Variants in C4orf51 observed in about 807,000 individuals in gnomAD.
C4orf51 encodes chromosome 4 open reading frame 51.
Under a neutral mutation model 25.2 loss-of-function variants are expected in C4orf51, and 25 were observed. That is an observed-to-expected ratio of 0.99 (90% CI 0.72 to 1.39). The LOEUF (loss-of-function observed/expected upper bound fraction) is 1.39, where lower values mean the gene tolerates loss of function less well. C4orf51 is among the 40% of genes most tolerant of loss of function. The pLI, the probability that C4orf51 is intolerant of heterozygous loss-of-function variation, is 0.00. For synonymous variants in C4orf51, 100 were observed against 84.5 expected, an observed-to-expected ratio of 1.18 and a Z score of -1.01; for missense variants, 252 against 239.6, an observed-to-expected ratio of 1.05 and a Z score of -0.34.
intron 2 of C4orf51, among the ~76,000 whole-genome samples, chr4:145,707,035 T>TG (rs1730855169): frequency 6.6e-6 from 1 of 152,088 alleles, no homozygotes; most frequent in Non-Finnish European, 1.5e-5. Flanking sequence ...AGGCTGCTCT[T>TG]GAACTCCTGA....
downstream of C4orf51, among the ~76,000 whole-genome samples, chr4:145,737,601 A>G (rs77825109): frequency 5.6e-3 from 851 of 152,142 alleles, 2 homozygotes; most frequent in Middle Eastern, 0.014. Context: ...AAGGGCTTGT[A>G]TGTCTGAGAA....
intron 1 of C4orf51, among the ~76,000 whole-genome samples, chr4:145,692,877 G>A (rs1398667274): frequency 6.7e-6 from 1 of 150,366 alleles, no homozygotes; most frequent in Non-Finnish European, 1.5e-5. Flanking sequence ...CAAGGAAACT[G>A]GGATACAGAT....
downstream of C4orf51, among the ~76,000 whole-genome samples, chr4:145,736,844 C>A (rs1732830794): frequency 6.6e-6 from 1 of 152,104 alleles, no homozygotes; most frequent in Non-Finnish European, 1.5e-5. Flanking sequence ...ATGACACAGG[C>A]AATAGCACCA....
chr4:145,726,366 AG>A (rs1732056119), intron 2 of C4orf51, among the ~76,000 whole-genome samples: 1 of 152,210 alleles, frequency 6.6e-6, no homozygotes, highest in Non-Finnish European at 1.5e-5. Flanking sequence ...TCAATTTTCC[AG>A]AGATATTTCA....
chr4:145,714,761 A>G (rs974399130), intron 2 of C4orf51, among the ~76,000 whole-genome samples: 4 of 152,006 alleles, frequency 2.6e-5, no homozygotes, highest in African/African-American at 9.7e-5. Flanking sequence ...GCCTTTGGAG[A>G]TATAGTCATA....
At chr4:145,723,926 A>G (rs562701422) in intron 2 of C4orf51, among the ~76,000 whole-genome samples, 4 of 152,200 alleles carry the variant, frequency 2.6e-5, no homozygotes, top group Non-Finnish European at 5.9e-5. Flanking sequence ...GAAGAGGAAC[A>G]CTGGTTCCTC....
downstream of C4orf51, chr4:145,758,259 T>C (rs1734108660): frequency 6.6e-6 from 1 of 152,234 alleles, no homozygotes; most frequent in African/African-American, 2.4e-5. Context: ...GTCATTCAAA[T>C]ACAAGTTCAG....
At chr4:145,713,049 A>G (rs1476199677) in intron 2 of C4orf51, among the ~76,000 whole-genome samples, 1 of 152,196 alleles carries the variant, frequency 6.6e-6, no homozygotes, top group Non-Finnish European at 1.5e-5. Context: ...TAAGCCCACT[A>G]TTGAGACTTA....
At chr4:145,716,504 A>G (rs1731422542) in intron 2 of C4orf51, among the ~76,000 whole-genome samples, 1 of 152,218 alleles carries the variant, frequency 6.6e-6, no homozygotes, top group Non-Finnish European at 1.5e-5. Context: ...TCTGCCACAC[A>G]CTGATTTTGA....
downstream of C4orf51, among the ~76,000 whole-genome samples, chr4:145,755,651 G>A (rs993991357): frequency 1.3e-5 from 2 of 152,182 alleles, no homozygotes; most frequent in African/African-American, 4.8e-5. Context: ...GTTGTACAGG[G>A]AAAAACGGGG....
chr4:145,732,465 T>C lies in C4orf51; in HGVS notation c.514T>C (p.Cys172Arg), dbSNP rs989306332. The change falls in exon 6 of 6, where the codon TGC (cysteine) becomes CGC (arginine). Residue 172 changes from cysteine (C) to arginine (R), a missense_variant. Transcript: ENST00000438731. ...CATTTTTCTCCAGCTTCATGGACGG[T>C]GCGATTCTGAAAGCAAGGTTTGCTC... ...KGVLKHLHGR[C>R]DSESKVCSSE... 5 of 1,609,326 alleles carry C rather than the reference T, an allele frequency of 3.1e-6. No homozygotes were observed. The highest frequency in any genetic ancestry group is 4.2e-6 in the Non-Finnish European group (5 of 1,178,014).
intron 2 of C4orf51, among the ~76,000 whole-genome samples, chr4:145,710,783 T>C (rs1399987343): frequency 1.3e-5 from 2 of 151,824 alleles, no homozygotes; most frequent in African/African-American, 4.8e-5. Context: ...TCCTGGTGTG[T>C]ATGTGTGGTG....
chr4:145,787,436 C>T, the C4orf51 span, among the ~76,000 whole-genome samples: 7 of 144,084 alleles, frequency 4.9e-5, no homozygotes, highest in Non-Finnish European at 9.0e-5. Context: ...CACTCCAGCC[C>T]GGGTGACAGA....
At chr4:145,690,369 G>A (rs571150200) in intron 1 of C4orf51, among the ~76,000 whole-genome samples, 1 of 151,688 alleles carries the variant, frequency 6.6e-6, no homozygotes, top group African/African-American at 2.4e-5. Flanking sequence ...GCTGGGCATG[G>A]TTGCAGGCAC....
At chr4:145,705,679 C>T (rs1234864712) in intron 2 of C4orf51, among the ~76,000 whole-genome samples, 1 of 152,134 alleles carries the variant, frequency 6.6e-6, no homozygotes, top group Non-Finnish European at 1.5e-5. Flanking sequence ...TTGCCTCTGT[C>T]GTGTCCCAGT....
the C4orf51 span, among the ~76,000 whole-genome samples, chr4:145,786,357 T>G: frequency 1.1e-4 from 17 of 152,308 alleles, no homozygotes; most frequent in Non-Finnish European, 2.2e-4. Context: ...AAGGCTTTAT[T>G]TGGCGACAGC....
chr4:145,753,082 AT>A (rs1357767879), intron 1 of C4orf51, among the ~76,000 whole-genome samples: 6 of 152,088 alleles, frequency 3.9e-5, no homozygotes, highest in African/African-American at 1.4e-4. Context: ...TTTCAGTAAT[AT>A]GAAGTTAAAA....
In C4orf51 at chr4:145,688,887, TAAAC is replaced by T. The variant is rs369294671; in HGVS notation, c.234-7657_234-7654del. On this transcript the variant is annotated intron_variant, in intron 1 of 5. Coordinates refer to ENST00000438731, the MANE Select transcript of C4orf51 (RefSeq NM_001080531.3). Reference sequence around the variant, plus strand: ...ATAGCTGAGACACTCTCAAAATAAATAAACAAACAAACAAACAACAACAACAAAA... The same window carrying T: ...ATAGCTGAGACACTCTCAAAATAAATAAACAAACAAACAACAACAACAAAA... 6.1e-3 allele frequency among the ~76,000 whole-genome samples: 776 copies of T among 126,282 alleles called. 3 individuals are homozygous for T. Among genetic ancestry groups the T allele is most frequent in the African/African-American group, 0.021 (718 of 33,890 alleles). 82.8% of individuals were successfully genotyped at this position (126,282 alleles called of 152,430 possible).
At chr4:145,739,642 A>T (rs1407573848) in intron 1 of C4orf51, among the ~76,000 whole-genome samples, 1 of 152,256 alleles carries the variant, frequency 6.6e-6, no homozygotes, top group Non-Finnish European at 1.5e-5. Context: ...TAAAAGTATA[A>T]GGACAATAGA....
Sources: gnomAD v4.1 joint callset for allele counts (sites outside exome capture counted in the v4.1 genomes callset) on GRCh38, gnomAD v4.1.1 for gene constraint, MANE v1.5 for transcripts, NCBI Gene and HGNC (gene_info 2026-07-23, HGNC 2026-07-21) for gene names.